Variants in CELA3B observed in about 807,000 individuals in gnomAD.
CELA3B encodes the protein chymotrypsin-like elastase family member 3B.
In CELA3B, 34 loss-of-function variants were observed where a neutral mutation model predicts 37.2. The ratio of observed to expected loss-of-function variants is 0.91; its 90% CI spans 0.70 to 1.22. The LOEUF is 1.22. Among genes scored for constraint, CELA3B ranks in the 50% most tolerant of loss-of-function variants. The pLI, the probability that CELA3B is intolerant of heterozygous loss-of-function variation, is 0.00. For missense variants in CELA3B, 340 were observed against 363.1 expected, an observed-to-expected ratio of 0.94 and a Z score of 0.52; for synonymous variants, 127 against 143.5, an observed-to-expected ratio of 0.89 and a Z score of 0.82.
At position 21,986,631 on chromosome 1, in the gene CELA3B, G is replaced by A; in HGVS notation, c.743G>A (p.Arg248Lys). Reference protein sequence around the residue: ...FVSAFGCNTRRKPTVFTRVSA... With the variant: ...FVSAFGCNTRKKPTVFTRVSA... The stretch of plus-strand genomic sequence containing the variant: ...TCTGCCTTTGGCTGCAACACCCGCA[G>A]GAAGCCCACGGTGTTCACTCGAGTC... The change falls in exon 7 of 8, where the codon AGG (arginine) becomes AAG (lysine). Residue 248 changes from arginine to lysine, a missense_variant. By Grantham distance (26) the Arg-to-Lys change is conservative. Transcript: ENST00000337107. 6.2e-7 allele frequency: 1 copy of A among 1,614,054 alleles called. No individual in the cohort carries two copies.
downstream of CELA3B, among the ~76,000 whole-genome samples, chr1:21,989,765 G>A (rs1644862266): frequency 6.6e-6 from 1 of 150,948 alleles, no homozygotes. Flanking sequence ...TGGGCTGGGG[G>A]CTTTGGTTAT....
chr1:21,997,011 A>C (rs1644893334), intron 4 of CELA3B, among the ~76,000 whole-genome samples: 1 of 151,382 alleles, frequency 6.6e-6, no homozygotes. Flanking sequence ...AAATCTGAGA[A>C]TAGTCATCCA....
intron 7 of CELA3B, among the ~76,000 whole-genome samples, chr1:21,988,341 C>A (rs75793023): frequency 0.17 from 25,042 of 149,626 alleles, 74 homozygotes; most frequent in East Asian, 0.3. Context: ...CCTGTAATCC[C>A]AGCAATTTGG....
chr1:21,985,328 A>G (rs1644831286), intron 6 of CELA3B, among the ~76,000 whole-genome samples: 1 of 148,126 alleles, frequency 6.8e-6, no homozygotes, highest in Admixed American at 6.8e-5. Context: ...CCCAGGCTGC[A>G]GTGCAGTAAC....
At chr1:21,983,649 G>C (rs1312855007) in intron 4 of CELA3B, 45 bp from the exon 5 acceptor site, 40 of 1,603,480 alleles carry the variant, frequency 2.5e-5, no homozygotes, top group Non-Finnish European at 3.2e-5. Flanking sequence ...GTAGGACTTG[G>C]GCCGGCTGGA....
chr1:21,977,165 T>A, intron 1 of CELA3B, 83 bp downstream of exon 1: 20 of 1,587,960 alleles, frequency 1.3e-5, no homozygotes, highest in Non-Finnish European at 1.7e-5. Context: ...CTAAGTCCCA[T>A]GACACCCTAT....
intron 7 of CELA3B, among the ~76,000 whole-genome samples, chr1:21,988,768 T>C (rs1314026145): frequency 1.3e-5 from 2 of 151,772 alleles, no homozygotes; most frequent in African/African-American, 2.4e-5. Context: ...CGTACGCCTG[T>C]AGTCCCAGCT....
chr1:21,994,368 G>A (rs1020383858), intron 4 of CELA3B, among the ~76,000 whole-genome samples: 7 of 150,810 alleles, frequency 4.6e-5, no homozygotes, highest in African/African-American at 9.8e-5. Context: ...CTGCTCCTGG[G>A]CTCCAGCTAC....
intron 1 of CELA3B, among the ~76,000 whole-genome samples, chr1:21,977,721 T>C (rs1569831372): frequency 6.6e-6 from 1 of 151,870 alleles, no homozygotes; most frequent in African/African-American, 2.4e-5. Flanking sequence ...GCACTTAATG[T>C]TTTTATTTTT....
At chr1:21,984,157 G>T in intron 5 of CELA3B, 32 bp from the exon 6 acceptor site, 1 of 1,602,900 alleles carries the variant, frequency 6.2e-7, no homozygotes, top group South Asian at 1.1e-5. Flanking sequence ...TGTGCCCCCA[G>T]ACCCCTGACT....
chr1:21,994,180 G>A (rs1644879796), downstream of CELA3B, among the ~76,000 whole-genome samples: 3 of 150,956 alleles, frequency 2.0e-5, no homozygotes, highest in Non-Finnish European at 4.4e-5. Flanking sequence ...GCAGGGGCAG[G>A]CTGGATTTCC....
At chr1:21,983,096 T>C (rs1644814653) in intron 4 of CELA3B, among the ~76,000 whole-genome samples, 1 of 152,220 alleles carries the variant, frequency 6.6e-6, no homozygotes, top group Non-Finnish European at 1.5e-5. Flanking sequence ...ATGCCTGTAA[T>C]CCCAGCACTT....
chr1:21,988,395 G>A (rs567447824), intron 7 of CELA3B, among the ~76,000 whole-genome samples: 83 of 151,350 alleles, frequency 5.5e-4, no homozygotes, highest in African/African-American at 1.9e-3. Flanking sequence ...TTCGAGACCA[G>A]CCTGGCCAAT....
intron 1 of CELA3B, among the ~76,000 whole-genome samples, 170 bp downstream of exon 1, chr1:21,977,252 G>A (rs189415089): frequency 1.4e-3 from 219 of 152,256 alleles, no homozygotes; most frequent in African/African-American, 4.8e-3. Context: ...TGATGGAGCA[G>A]GAGAGTGGAG....
At chr1:21,982,249 G>A (rs1043723768) in intron 4 of CELA3B, among the ~76,000 whole-genome samples, 9 of 152,060 alleles carry the variant, frequency 5.9e-5, no homozygotes, top group African/African-American at 1.9e-4. Flanking sequence ...GAAGACAGAG[G>A]GCAGTGGTTC....
At chr1:21,980,371 G>C (rs1220150412) in intron 2 of CELA3B, among the ~76,000 whole-genome samples, 1 of 152,160 alleles carries the variant, frequency 6.6e-6, no homozygotes, top group African/African-American at 2.4e-5. Context: ...CCCAGTTACT[G>C]TGCAGGCTGA....
chr1:21,986,112 A>C (rs1644837103), intron 6 of CELA3B, among the ~76,000 whole-genome samples: 1 of 147,386 alleles, frequency 6.8e-6, no homozygotes, highest in Admixed American at 7.0e-5. Flanking sequence ...GGTGGCTCAC[A>C]CCCATAATCC....
intron 6 of CELA3B, among the ~76,000 whole-genome samples, chr1:21,985,844 T>C (rs2152816669): frequency 6.6e-6 from 1 of 151,722 alleles, no homozygotes; most frequent in East Asian, 2.0e-4. Flanking sequence ...TGAGCCGAGA[T>C]CGCGCCCCTG....
intron 2 of CELA3B, 58 bp from the exon 3 acceptor site, chr1:21,980,766 G>C: frequency 1.6e-6 from 2 of 1,235,546 alleles, no homozygotes; most frequent in South Asian, 1.2e-5. Flanking sequence ...ACAGCCATTG[G>C]TGGCAACTCT....
Sources: gnomAD v4.1 joint callset for allele counts (sites outside exome capture counted in the v4.1 genomes callset) on GRCh38, gnomAD v4.1.1 for gene constraint, MANE v1.5 for transcripts, NCBI Gene and HGNC (gene_info 2026-07-23, HGNC 2026-07-21) for gene names.